The following CSF1R variants were observed in gnomAD, a reference collection of about 807,000 sequenced individuals.
The protein encoded by CSF1R is colony stimulating factor 1 receptor, also known as macrophage colony-stimulating factor 1 receptor.
Under a neutral mutation model 110.0 loss-of-function variants are expected in CSF1R, and 40 were observed. That is an observed-to-expected ratio of 0.36 (90% CI 0.28 to 0.47). CSF1R has a LOEUF of 0.47. Ranked by LOEUF, CSF1R falls within the 20% of genes least tolerant of loss-of-function variation. The probability of loss-of-function intolerance (pLI) is 0.99; values close to 1 mark genes in which losing one functional copy is unlikely to be tolerated. For synonymous variants in CSF1R, 523 were observed against 503.4 expected, an observed-to-expected ratio of 1.04 and a Z score of -0.52; for missense variants, 1,052 against 1,253.0, an observed-to-expected ratio of 0.84 and a Z score of 2.42.
chr5:150,102,996 G>A (rs889152555), intron 1 of CSF1R, among the ~76,000 whole-genome samples: 2 of 152,192 alleles, frequency 1.3e-5, no homozygotes, highest in Non-Finnish European at 1.5e-5. Context: ...TATTGTTTAC[G>A]AGGCACTTTC....
At chr5:150,112,352 C>G (rs1183873929) in intron 1 of CSF1R, among the ~76,000 whole-genome samples, 2 of 152,228 alleles carry the variant, frequency 1.3e-5, no homozygotes, top group Non-Finnish European at 2.9e-5. Flanking sequence ...GTGTGTGAAG[C>G]AACCAGACAG....
chr5:150,080,731 G>A (rs2113832682), intron 2 of CSF1R, 36 bp downstream of exon 2: 1 of 1,612,020 alleles, frequency 6.2e-7, no homozygotes, highest in South Asian at 1.1e-5. Context: ...GGGCCTGCCG[G>A]GTCAGGCCTC....
chr5:150,079,705 C>T (rs1206426747), intron 3 of CSF1R, among the ~76,000 whole-genome samples: 7 of 152,244 alleles, frequency 4.6e-5, no homozygotes, highest in Non-Finnish European at 8.8e-5. Context: ...TTCTTCATGT[C>T]ATTCAGATTT....
At chr5:150,077,553 C>G in intron 4 of CSF1R, 118 bp from the exon 5 acceptor site, 1 of 1,159,960 alleles carries the variant, frequency 8.6e-7, no homozygotes, top group Middle Eastern at 2.0e-4. Context: ...CCTGTTGCTT[C>G]ACTTGTAAAA....
At chr5:150,058,185 G>A (rs547861305) in intron 14 of CSF1R, 12 of 455,662 alleles carry the variant, frequency 2.6e-5, no homozygotes, top group Admixed American at 2.1e-4. Context: ...AAATCACCCC[G>A]GGAATCTCTG....
intron 10 of CSF1R, among the ~76,000 whole-genome samples, chr5:150,062,195 G>A (rs912084097): frequency 1.7e-5 from 2 of 115,474 alleles, no homozygotes; most frequent in Non-Finnish European, 3.7e-5. Context: ...TTATCCATCC[G>A]TTCATCTGTC....
At chr5:150,108,766 G>T (rs1759623485) in intron 1 of CSF1R, among the ~76,000 whole-genome samples, 1 of 152,172 alleles carries the variant, frequency 6.6e-6, no homozygotes, top group Non-Finnish European at 1.5e-5. Context: ...GCTGGGCAAG[G>T]GCAGCCTGCT....
chr5:150,061,331 G>T (rs746191095), intron 12 of CSF1R, among the ~76,000 whole-genome samples, 160 bp downstream of exon 12: 1 of 152,142 alleles, frequency 6.6e-6, no homozygotes, highest in East Asian at 1.9e-4. Context: ...GTCAGAGGGT[G>T]CCTGGAGCTC....
At chr5:150,054,569 C>A in intron 19 of CSF1R, 139 bp from the exon 20 acceptor site, 2 of 640,268 alleles carry the variant, frequency 3.1e-6, no homozygotes, top group Non-Finnish European at 5.4e-6. Flanking sequence ...TATGCCAAGT[C>A]CTTGGCATGC....
chr5:150,053,539 G>T lies in CSF1R; in HGVS notation c.*530C>A, dbSNP rs1046339426. 3.0e-5 allele frequency: 7 copies of T among 236,006 alleles called. No individual in the cohort carries two copies. The highest frequency in any genetic ancestry group is 4.4e-5 in the African/African-American group (2 of 45,246). The allele number at this position is 236,006 out of a possible 1,614,324, so 14.6% of individuals were successfully genotyped here. A position where few individuals can be genotyped will look rare whatever the true frequency, so the allele number is the denominator to read the frequency against. Reference sequence around the variant, plus strand: ...GGGGTGAGGCTGTGGAGTGAAGGCGGCGTATAGGGCAGAGACTAAGAGGTC... The same window carrying T: ...GGGGTGAGGCTGTGGAGTGAAGGCGTCGTATAGGGCAGAGACTAAGAGGTC... On this transcript the variant is annotated 3_prime_UTR_variant, in exon 21 of 21. Coordinates refer to ENST00000675795, the MANE Select transcript of CSF1R (RefSeq NM_001288705.3).
chr5:150,055,112 T>C (rs551535252), intron 19 of CSF1R, 125 bp downstream of exon 19: 37 of 784,004 alleles, frequency 4.7e-5, no homozygotes, highest in African/African-American at 4.0e-4. Flanking sequence ...GTGTCCACTA[T>C]GGGAGAGATA....
chr5:150,077,487 A>G, intron 4 of CSF1R, 52 bp from the exon 5 acceptor site: 1 of 1,565,320 alleles, frequency 6.4e-7, no homozygotes, highest in Non-Finnish European at 8.7e-7. Flanking sequence ...AGGGATTAGA[A>G]AGATCTGGGT....
intron 10 of CSF1R, among the ~76,000 whole-genome samples, chr5:150,067,712 C>T (rs148040572): frequency 4.1e-4 from 62 of 152,328 alleles, no homozygotes; most frequent in Middle Eastern, 6.8e-3. Flanking sequence ...GGGGACACCA[C>T]GCTTGTATAT....
chr5:150,056,879 A>G (rs962693371), intron 16 of CSF1R, among the ~76,000 whole-genome samples: 39 of 152,110 alleles, frequency 2.6e-4, no homozygotes, highest in Non-Finnish European at 2.5e-4. Context: ...AGATGGCAAG[A>G]GCTCCCATTC....
intron 1 of CSF1R, among the ~76,000 whole-genome samples, chr5:150,108,261 G>C (rs1049946871): frequency 6.6e-6 from 1 of 152,188 alleles, no homozygotes; most frequent in African/African-American, 2.4e-5. Context: ...AAAGCTTCTT[G>C]GAGAAAGTAG....
intron 10 of CSF1R, among the ~76,000 whole-genome samples, chr5:150,063,829 C>G (rs1757639660): frequency 6.6e-6 from 1 of 152,206 alleles, no homozygotes; most frequent in African/African-American, 2.4e-5. Context: ...CAGAGCAACT[C>G]TTTCCGGCCA....
At chr5:150,097,892 A>G (rs1331719941) in intron 1 of CSF1R, among the ~76,000 whole-genome samples, 1 of 152,250 alleles carries the variant, frequency 6.6e-6, no homozygotes. Flanking sequence ...TTTTGTGTAA[A>G]TTGACAAGCT....
At chr5:150,085,077 G>A (rs79909049) in intron 1 of CSF1R, among the ~76,000 whole-genome samples, 2 of 151,974 alleles carry the variant, frequency 1.3e-5, no homozygotes, top group African/African-American at 2.4e-5. Flanking sequence ...TCAGGAGTTC[G>A]AGACCAGCTT....
intron 1 of CSF1R, among the ~76,000 whole-genome samples, chr5:150,083,914 C>T (rs1758681111): frequency 6.6e-6 from 1 of 152,198 alleles, no homozygotes; most frequent in Non-Finnish European, 1.5e-5. Flanking sequence ...CTTTTCCCCT[C>T]CAGCCCACTT....
Sources: gnomAD v4.1 joint callset for allele counts (sites outside exome capture counted in the v4.1 genomes callset) on GRCh38, gnomAD v4.1.1 for gene constraint, MANE v1.5 for transcripts, NCBI Gene and HGNC (gene_info 2026-07-23, HGNC 2026-07-21) for gene names.